The following STAG1 variants were observed in gnomAD, a reference collection of about 807,000 sequenced individuals.
STAG1 encodes the protein cohesin subunit SA-1.
STAG1 carries 26 observed loss-of-function variants against 170.9 expected under a neutral mutation model. That is an observed-to-expected ratio of 0.15 (90% CI 0.11 to 0.21). The LOEUF is 0.21. Ranked by LOEUF, STAG1 falls within the 10% of genes least tolerant of loss-of-function variation. STAG1 has a pLI of 1.00. For synonymous variants in STAG1, 514 were observed against 497.7 expected, an observed-to-expected ratio of 1.03 and a Z score of -0.44; for missense variants, 964 against 1,509.5, an observed-to-expected ratio of 0.64 and a Z score of 5.99.
intron 1 of STAG1, among the ~76,000 whole-genome samples, chr3:136,717,659 T>A (rs1943577960): frequency 1.3e-5 from 2 of 152,152 alleles, no homozygotes; most frequent in South Asian, 4.1e-4. Flanking sequence ...AGTGAAACTC[T>A]GTCTCAATAA....
chr3:136,544,758 C>A (rs1432059666), intron 5 of STAG1, among the ~76,000 whole-genome samples: 18 of 146,618 alleles, frequency 1.2e-4, no homozygotes, highest in South Asian at 4.4e-4. Context: ...GAGCAAGACT[C>A]AAAAAAAAAA....
At chr3:136,452,279 A>G (rs2088965883) in intron 13 of STAG1, 132 bp from the exon 14 acceptor site, 2 of 624,296 alleles carry the variant, frequency 3.2e-6, no homozygotes, top group Middle Eastern at 2.8e-4. Flanking sequence ...AGCATCAGAG[A>G]TCAGGCCAGG....
intron 8 of STAG1, 104 bp downstream of exon 8, chr3:136,502,524 A>G (rs1377407476): frequency 2.3e-5 from 29 of 1,239,802 alleles, no homozygotes; most frequent in Non-Finnish European, 3.2e-5. Context: ...TAATCTAACT[A>G]AATATACACA....
At chr3:136,533,863 A>C (rs550245036) in intron 6 of STAG1, among the ~76,000 whole-genome samples, 1 of 152,374 alleles carries the variant, frequency 6.6e-6, no homozygotes, top group South Asian at 2.1e-4. Flanking sequence ...CAGTTCTCAC[A>C]GCAACAGAAA....
In STAG1 at chr3:136,742,216, T is replaced by C. The variant is rs1002455830; in HGVS notation, c.-84+9979A>G. Among the ~76,000 whole-genome samples the C allele has an allele frequency of 3.3e-5, 5 of 152,132 alleles. No individual in the cohort carries two copies. In the South Asian group the frequency reaches 8.3e-4, roughly 25 times the overall value. ...GTGCTATTAAAACACCTTAACCTAATTGATAGTTACAGAATACTACACCCA... is the reference window on the plus strand; with the variant it reads ...GTGCTATTAAAACACCTTAACCTAACTGATAGTTACAGAATACTACACCCA... On this transcript the variant is annotated intron_variant, in intron 1 of 33. Coordinates refer to ENST00000383202, the MANE Select transcript of STAG1 (RefSeq NM_005862.3).
intron 10 of STAG1, among the ~76,000 whole-genome samples, 184 bp from the exon 11 acceptor site, chr3:136,473,821 C>T (rs1318622067): frequency 2.7e-5 from 4 of 150,774 alleles, no homozygotes; most frequent in Non-Finnish European, 5.9e-5. Context: ...AAAAAAAATT[C>T]ACTGAAAAGA....
intron 5 of STAG1, among the ~76,000 whole-genome samples, chr3:136,558,160 G>A (rs1191994309): frequency 2.0e-5 from 3 of 152,138 alleles, no homozygotes; most frequent in Admixed American, 6.5e-5. Flanking sequence ...GAGAGCCCAA[G>A]GTGGGCAGGT....
intron 4 of STAG1, among the ~76,000 whole-genome samples, chr3:136,600,680 C>A (rs376948156): frequency 6.6e-6 from 1 of 151,900 alleles, no homozygotes; most frequent in East Asian, 1.9e-4. Flanking sequence ...TACAGGCTTG[C>A]GCAACCATGC....
intron 22 of STAG1, among the ~76,000 whole-genome samples, chr3:136,385,789 A>C (rs111252698): frequency 1.2e-3 from 177 of 152,014 alleles, no homozygotes; most frequent in African/African-American, 2.5e-3. Context: ...GCAGCCTTGA[A>C]CTCCTGGGCT....
intron 1 of STAG1, among the ~76,000 whole-genome samples, chr3:136,640,835 C>T (rs537512005): frequency 7.9e-5 from 12 of 151,402 alleles, no homozygotes; most frequent in Admixed American, 5.3e-4. Flanking sequence ...CCAACATGCC[C>T]GGCTAATTTT....
At chr3:136,545,405 A>T (rs1936112419) in intron 5 of STAG1, among the ~76,000 whole-genome samples, 1 of 152,180 alleles carries the variant, frequency 6.6e-6, no homozygotes, top group Non-Finnish European at 1.5e-5. Flanking sequence ...AGCCTGATAA[A>T]CAGCAAACTG....
intron 1 of STAG1, among the ~76,000 whole-genome samples, chr3:136,671,051 G>A (rs535877739): frequency 4.6e-5 from 7 of 152,166 alleles, no homozygotes; most frequent in African/African-American, 1.4e-4. Flanking sequence ...TTGGGAGGCC[G>A]AGGCGGGCAG....
In STAG1 at chr3:136,502,789, G is replaced by A. The variant is rs1933549896; in HGVS notation, c.677-10C>T. 5.1e-6 allele frequency: 8 copies of A among 1,570,056 alleles called. No homozygotes were observed. Among genetic ancestry groups the A allele is most frequent in the Non-Finnish European group, 6.9e-6 (8 of 1,162,400 alleles). On this transcript the variant is annotated splice_polypyrimidine_tract_variant and intron_variant, in intron 7 of 33. Coordinates refer to ENST00000383202, the MANE Select transcript of STAG1 (RefSeq NM_005862.3). ...GTCATGAGCTTCATGGCTATGAAAT[G>A]AAGAAATATTATAATACCTATGAAT...
In STAG1 at chr3:136,421,152, A is replaced by G. The variant is rs202152668; in HGVS notation, c.2049T>C (p.Ala683=). The part of the protein sequence containing the change: ...VEDLLQEGEE[A]DDDDIYNVLS... ...GAACATTGTAAATGTCATCATCATC[A>G]GCTTCTTCTCCCTATAAAAAAAGGA... The change falls in exon 20 of 34, where the codon GCT becomes GCC. Residue 683 remains alanine (A), a synonymous_variant. Coordinates refer to ENST00000383202, the MANE Select transcript of STAG1 (RefSeq NM_005862.3). 9 of 1,607,748 alleles carry G rather than the reference A, an allele frequency of 5.6e-6. No homozygotes were observed. In the East Asian group the frequency reaches 2.0e-4, roughly 36 times the overall value.
chr3:136,587,541 CAA>C (rs747339467), intron 4 of STAG1, among the ~76,000 whole-genome samples: 12 of 60,776 alleles, frequency 2.0e-4, no homozygotes, highest in African/African-American at 4.4e-4. Flanking sequence ...AACTCCATCT[CAA>C]AAAAAAAAAA....
chr3:136,373,007 T>C (rs1327253076), intron 23 of STAG1, among the ~76,000 whole-genome samples: 1 of 152,214 alleles, frequency 6.6e-6, no homozygotes, highest in African/African-American at 2.4e-5. Flanking sequence ...AAGCTATTAA[T>C]TATTGCCTCA....
intron 23 of STAG1, 40 bp downstream of exon 23, chr3:136,377,620 G>A (rs1373346898): frequency 1.3e-6 from 2 of 1,499,968 alleles, no homozygotes; most frequent in Non-Finnish European, 1.9e-6. Flanking sequence ...TAATGTATTT[G>A]AGTTGATTTT....
intron 6 of STAG1, among the ~76,000 whole-genome samples, chr3:136,526,673 G>T (rs1465894868): frequency 3.3e-5 from 5 of 152,302 alleles, no homozygotes; most frequent in African/African-American, 1.2e-4. Context: ...AGTTGATGCA[G>T]TTTCTTCCTA....
intron 1 of STAG1, among the ~76,000 whole-genome samples, chr3:136,655,636 G>A (rs1254645762): frequency 6.6e-6 from 1 of 152,150 alleles, no homozygotes; most frequent in Non-Finnish European, 1.5e-5. Flanking sequence ...GGCGGCGCAT[G>A]CCGGTAGTTC....
Sources: gnomAD v4.1 joint callset for allele counts (sites outside exome capture counted in the v4.1 genomes callset) on GRCh38, gnomAD v4.1.1 for gene constraint, MANE v1.5 for transcripts, NCBI Gene and HGNC (gene_info 2026-07-23, HGNC 2026-07-21) for gene names.